The following RRAGB variants were observed in gnomAD, a reference collection of about 807,000 sequenced individuals.
The protein encoded by RRAGB is Ras related GTP binding B.
RRAGB carries 6 observed loss-of-function variants against 29.3 expected under a neutral mutation model. That is an observed-to-expected ratio of 0.21 (90% CI 0.11 to 0.40). The LOEUF is 0.40. RRAGB is among the 10% of genes least tolerant of loss of function. The pLI is 1.00. For synonymous variants in RRAGB, 101 were observed against 92.5 expected (o/e 1.09, Z -0.53); for missense variants, 184 against 272.9 (o/e 0.67, Z 2.29).
In RRAGB at chrX:55,741,121, C is replaced by T. The variant is rs764880950; in HGVS notation, c.516+9535C>T. Among the ~76,000 whole-genome samples, 6 of 105,294 alleles carry T rather than the reference C, an allele frequency of 5.7e-5. No individual in the cohort carries two copies. The South Asian group carries it at 1.7e-3, about 30-fold the overall frequency. 91.4% of individuals were successfully genotyped at this position (105,294 alleles called of 115,157 possible). On this transcript the variant is annotated intron_variant, in intron 5 of 9. Transcript: ENST00000374941. ...AAATGCTGAACAACTGTAGAATGGT[C>T]GACGTTGATTTCTTTGGCAACTTCT...
intron 3 of RRAGB, 86 bp from the exon 4 acceptor site, chrX:55,729,208 T>C: frequency 1.5e-6 from 1 of 662,504 alleles, no homozygotes; most frequent in Non-Finnish European, 2.4e-6. Context: ...CTTTGGTCCT[T>C]CTAAATTTCA....
chrX:55,738,741 A>C (rs938239445), intron 5 of RRAGB, among the ~76,000 whole-genome samples: 1 of 111,980 alleles, frequency 8.9e-6, no homozygotes, highest in Non-Finnish European at 1.9e-5. Flanking sequence ...GATGGTGGCC[A>C]TGGGATTTGT....
At chrX:55,745,531 C>T (rs951867620) in intron 5 of RRAGB, among the ~76,000 whole-genome samples, 20 of 112,395 alleles carry the variant, frequency 1.8e-4, no homozygotes, top group Non-Finnish European at 3.4e-4. Context: ...TATGACAGTC[C>T]ACTGTCCAGG....
At chrX:55,719,188 A>C (rs763060731) in intron 1 of RRAGB, 126 bp from the exon 2 acceptor site, 1 of 544,577 alleles carries the variant, frequency 1.8e-6, no homozygotes, top group Non-Finnish European at 2.9e-6. Flanking sequence ...GGTCCCACAC[A>C]CACAGCTGTA....
chrX:55,756,957 TA>T (rs1324329724), intron 8 of RRAGB, among the ~76,000 whole-genome samples: 1 of 111,638 alleles, frequency 9.0e-6, no homozygotes, highest in Non-Finnish European at 1.9e-5. Context: ...TCTTGACTCA[TA>T]AAAAAATAAA....
intron 3 of RRAGB, among the ~76,000 whole-genome samples, chrX:55,726,806 C>T (rs1032093005): frequency 1.8e-5 from 2 of 111,268 alleles, no homozygotes; most frequent in East Asian, 5.7e-4. Flanking sequence ...GTTTTGGATA[C>T]TTGTGGTTCA....
At chrX:55,718,772 G>T (rs768956697) in intron 1 of RRAGB, among the ~76,000 whole-genome samples, 2 of 111,548 alleles carry the variant, frequency 1.8e-5, no homozygotes, top group African/African-American at 6.5e-5. Flanking sequence ...CAGAGCTTGA[G>T]GGTGTTTTCT....
chrX:55,723,240 C>G (rs1436605159), intron 3 of RRAGB, among the ~76,000 whole-genome samples: 5 of 110,238 alleles, frequency 4.5e-5, no homozygotes, highest in Non-Finnish European at 7.6e-5. Flanking sequence ...CTCCTGGGTT[C>G]AAGTGATTCT....
intron 5 of RRAGB, among the ~76,000 whole-genome samples, chrX:55,749,946 C>T (rs1236178453): frequency 2.8e-5 from 3 of 106,365 alleles, no homozygotes; most frequent in Non-Finnish European, 5.8e-5. Context: ...CCTTTGTTCA[C>T]TTGTTTCTTT....
chrX:55,733,662 C>A (rs778722181), intron 5 of RRAGB, among the ~76,000 whole-genome samples: 1 of 112,321 alleles, frequency 8.9e-6, no homozygotes, highest in East Asian at 2.8e-4. Context: ...CCCACTTGAT[C>A]TTGGTGAATG....
chrX:55,751,778 C>T (rs2034534487), intron 6 of RRAGB, among the ~76,000 whole-genome samples: 1 of 111,756 alleles, frequency 8.9e-6, no homozygotes, highest in South Asian at 3.7e-4. Flanking sequence ...ATGGAGGTTA[C>T]AACAATAGCT....
At chrX:55,745,647 A>G (rs1187549642) in intron 5 of RRAGB, among the ~76,000 whole-genome samples, 3 of 112,035 alleles carry the variant, frequency 2.7e-5, no homozygotes, top group Non-Finnish European at 3.8e-5. Context: ...AACCTCTGCA[A>G]TCCTTCCAGG....
chrX:55,756,641 C>A (rs1466504043), intron 8 of RRAGB, among the ~76,000 whole-genome samples: 1 of 112,411 alleles, frequency 8.9e-6, no homozygotes, highest in Non-Finnish European at 1.9e-5. Flanking sequence ...AAAAAAAGAT[C>A]ATTTCTTGAA....
intron 3 of RRAGB, among the ~76,000 whole-genome samples, chrX:55,726,299 C>A (rs936535406): frequency 3.6e-5 from 4 of 111,874 alleles, no homozygotes; most frequent in African/African-American, 1.3e-4. Context: ...GGCCTGCTTC[C>A]TAGGGACAAC....
Position 55,735,146 on chromosome X carries a change from A to G in RRAGB, c.516+3560A>G, listed in dbSNP as rs772371990. ...AATGTCTGTTAAATCCACTTTTTCT[A>G]GAGTCCAGTTTAAGTCCAGTGTTTG... On this transcript the variant is annotated intron_variant, in intron 5 of 9. Coordinates refer to ENST00000374941, the MANE Select transcript of RRAGB (RefSeq NM_006064.5). 8.0e-5 allele frequency among the ~76,000 whole-genome samples: 9 copies of G among 112,065 alleles called. No homozygotes were observed. In the South Asian group the frequency reaches 3.3e-3, roughly 42 times the overall value.
chrX:55,719,474 C>G, intron 2 of RRAGB, 127 bp downstream of exon 2: 2 of 425,455 alleles, frequency 4.7e-6, no homozygotes, highest in Non-Finnish European at 7.6e-6. Flanking sequence ...GTCTGTCTGA[C>G]TCTCTTCTCC....
At chrX:55,729,098 G>A (rs1003495161) in intron 3 of RRAGB, among the ~76,000 whole-genome samples, 196 bp from the exon 4 acceptor site, 2 of 110,877 alleles carry the variant, frequency 1.8e-5, no homozygotes, top group Non-Finnish European at 3.8e-5. Context: ...ATGAGAGCCA[G>A]TTCTATAGCC....
At chrX:55,729,537 G>A (rs1291056314) in intron 4 of RRAGB, among the ~76,000 whole-genome samples, 177 bp downstream of exon 4, 1 of 111,211 alleles carries the variant, frequency 9.0e-6, no homozygotes, top group Non-Finnish European at 1.9e-5. Context: ...TTGTGAAAAT[G>A]CCCTCTGTAT....
chrX:55,731,560 C>T lies in RRAGB; in HGVS notation c.490C>T (p.Leu164=). The T allele has an allele frequency of 8.3e-7, 1 of 1,201,374 alleles. No homozygotes were observed. The highest frequency in any genetic ancestry group is 1.8e-5 in the South Asian group (1 of 55,876). The change falls in exon 5 of 10, where the codon CTG becomes TTG. Residue 164 remains leucine, a synonymous_variant. Coordinates refer to ENST00000374941, the MANE Select transcript of RRAGB (RefSeq NM_006064.5). ...KIFCLVHKMD[L]VQEDQRDLIF... ...ATTTTGCTTGGTACACAAAATGGAT[C>T]TGGTACAGGAGGATCAACGGGACCT...
Sources: gnomAD v4.1 joint callset for allele counts (sites outside exome capture counted in the v4.1 genomes callset) on GRCh38, gnomAD v4.1.1 for gene constraint, MANE v1.5 for transcripts, NCBI Gene and HGNC (gene_info 2026-07-23, HGNC 2026-07-21) for gene names.